Variants in STPG2 observed in about 807,000 individuals in gnomAD.
STPG2 encodes sperm tail PG-rich repeat containing 2.
STPG2 carries 56 observed loss-of-function variants against 54.2 expected under a neutral mutation model. That is an observed-to-expected ratio of 1.03 (90% CI 0.83 to 1.29). The LOEUF (loss-of-function observed/expected upper bound fraction) is 1.29. Among genes scored for constraint, STPG2 ranks in the 50% most tolerant of loss-of-function variants. The probability of loss-of-function intolerance (pLI) is 0.00; values close to 1 mark genes in which losing one functional copy is unlikely to be tolerated. For missense variants in STPG2, 596 were observed against 544.9 expected, an observed-to-expected ratio of 1.09 and a Z score of -0.93; for synonymous variants, 200 against 181.8, an observed-to-expected ratio of 1.10 and a Z score of -0.81.
At chr4:97,444,491 G>A (rs1378347348) in intron 4 of STPG2, among the ~76,000 whole-genome samples, 1 of 152,170 alleles carries the variant, frequency 6.6e-6, no homozygotes, top group Non-Finnish European at 1.5e-5. Context: ...TTTTGTAAAT[G>A]CTCAAAGAAA....
chr4:97,800,990 G>C (rs1727376958), intron 9 of STPG2, among the ~76,000 whole-genome samples: 1 of 152,210 alleles, frequency 6.6e-6, no homozygotes, highest in South Asian at 2.1e-4. Context: ...CCAGGTGCAG[G>C]AGAGAATCTC....
intron 4 of STPG2, among the ~76,000 whole-genome samples, chr4:97,536,587 G>A (rs1348715214): frequency 6.6e-6 from 1 of 152,204 alleles, no homozygotes; most frequent in African/African-American, 2.4e-5. Flanking sequence ...ACTGGCTAGT[G>A]CATACCAAGC....
At chr4:97,560,103 A>C (rs78973066) in intron 10 of STPG2, among the ~76,000 whole-genome samples, 6,829 of 152,224 alleles carry the variant, frequency 0.045, 403 homozygotes, top group African/African-American at 0.14. Context: ...GATTCCCATG[A>C]TGACCCTTAG....
At chr4:97,976,736 C>T (rs1734512781) in intron 6 of STPG2, among the ~76,000 whole-genome samples, 1 of 152,082 alleles carries the variant, frequency 6.6e-6, no homozygotes, top group Non-Finnish European at 1.5e-5. Flanking sequence ...TCTTACTAAT[C>T]CTTAAAATAT....
chr4:98,036,314 A>C (rs13152556), intron 5 of STPG2, among the ~76,000 whole-genome samples: 59,821 of 151,720 alleles, frequency 0.39, 12,017 homozygotes, highest in Middle Eastern at 0.46. Flanking sequence ...GGGTATATAC[A>C]CAAAGGAATA....
At chr4:97,937,923 G>A (rs1230759866) in intron 8 of STPG2, among the ~76,000 whole-genome samples, 8 of 152,164 alleles carry the variant, frequency 5.3e-5, no homozygotes, top group Admixed American at 4.6e-4. Flanking sequence ...GGTTGAGGGG[G>A]TGTACTGCAC....
At chr4:98,001,027 G>T (rs1735398035) in intron 5 of STPG2, among the ~76,000 whole-genome samples, 2 of 152,076 alleles carry the variant, frequency 1.3e-5, no homozygotes, top group Admixed American at 6.6e-5. Flanking sequence ...AACCAAACAT[G>T]AAATTGAGTA....
intron 8 of STPG2, among the ~76,000 whole-genome samples, chr4:97,920,103 T>A (rs1869082): frequency 0.37 from 56,729 of 152,008 alleles, 10,669 homozygotes; most frequent in Middle Eastern, 0.46. Context: ...AAAACTCGAT[T>A]ATGGTGCCAA....
At chr4:98,023,717 G>A (rs1242339659) in intron 5 of STPG2, among the ~76,000 whole-genome samples, 1 of 152,136 alleles carries the variant, frequency 6.6e-6, no homozygotes, top group Non-Finnish European at 1.5e-5. Context: ...GTTTACCTAA[G>A]CAAGCCTGGG....
Position 97,840,841 on chromosome 4 carries a change from G to T in STPG2, c.1136C>A (p.Ala379Asp). Residue 379 changes from alanine to aspartate, a missense_variant, in exon 9 of 11, where the codon GCT (alanine) becomes GAT (aspartate). By Grantham distance (126) the Ala-to-Asp change is moderately radical. Coordinates refer to ENST00000295268, the MANE Select transcript of STPG2 (RefSeq NM_174952.3). ...HKYMPPRSLV[A>D]KRKHASFLSA... ...AAGAAAAGAGGCATGTTTTCTTTTA[G>T]CCACTAAACTACGAGGTGGCATATA... 1 of 1,611,974 alleles carries T rather than the reference G, an allele frequency of 6.2e-7. No individual in the cohort carries two copies. Among genetic ancestry groups the T allele is most frequent in the Non-Finnish European group, 8.5e-7 (1 of 1,178,608 alleles).
At position 97,666,993 on chromosome 4, in the gene STPG2, C is replaced by A. The variant is rs137891294; in HGVS notation, c.1320+45706G>T. 6.6e-3 allele frequency among the ~76,000 whole-genome samples: 1,006 copies of A among 152,298 alleles called. 12 individuals carry two copies. The highest frequency in any genetic ancestry group is 0.023 in the African/African-American group (976 of 41,566). ...GTGACCACCTCCACTATCACCACCA[C>A]CACCACCATCATCACTACCACCATC... On this transcript the variant is annotated intron_variant, in intron 10 of 10. Transcript: ENST00000295268.
chr4:98,084,414 T>C (rs1738445547), intron 5 of STPG2, among the ~76,000 whole-genome samples: 1 of 152,224 alleles, frequency 6.6e-6, no homozygotes, highest in Admixed American at 6.5e-5. Flanking sequence ...CAAATAAAGC[T>C]GCCATGAAAA....
At chr4:97,761,310 A>T (rs977521956) in intron 9 of STPG2, among the ~76,000 whole-genome samples, 1 of 152,190 alleles carries the variant, frequency 6.6e-6, no homozygotes, top group Non-Finnish European at 1.5e-5. Context: ...GTGTTCTTAC[A>T]ATAAAAGAAG....
At chr4:98,010,354 C>T (rs988840000) in intron 5 of STPG2, among the ~76,000 whole-genome samples, 2 of 152,016 alleles carry the variant, frequency 1.3e-5, no homozygotes, top group Non-Finnish European at 2.9e-5. Context: ...ATTGACCTGG[C>T]CCTTTTATCA....
At chr4:97,990,474 A>C (rs765856697) in intron 5 of STPG2, among the ~76,000 whole-genome samples, 1 of 152,138 alleles carries the variant, frequency 6.6e-6, no homozygotes, top group African/African-American at 2.4e-5. Context: ...ATTGTGACCA[A>C]AAGACAACCT....
At chr4:98,039,430 A>T (rs913733261) in intron 5 of STPG2, among the ~76,000 whole-genome samples, 2 of 57,616 alleles carry the variant, frequency 3.5e-5, no homozygotes, top group Admixed American at 2.7e-4. Flanking sequence ...CACTTTTGGG[A>T]GTGTCCAATG....
chr4:97,676,126 A>T (rs949899156), intron 10 of STPG2, among the ~76,000 whole-genome samples: 2 of 148,628 alleles, frequency 1.3e-5, no homozygotes, highest in African/African-American at 2.5e-5. Flanking sequence ...GTATATATAT[A>T]TTTTTTTGCT....
At chr4:97,544,324 T>C (rs1164643715) in intron 4 of STPG2, among the ~76,000 whole-genome samples, 1 of 152,060 alleles carries the variant, frequency 6.6e-6, no homozygotes, top group Non-Finnish European at 1.5e-5. Flanking sequence ...TTATGTTGTA[T>C]ATGCTATAGT....
intron 4 of STPG2, among the ~76,000 whole-genome samples, chr4:98,106,349 TA>T (rs1209003009): frequency 2.0e-5 from 3 of 151,810 alleles, no homozygotes; most frequent in African/African-American, 2.4e-5. Flanking sequence ...AAGCTAACCC[TA>T]AAAAAAAGTT....
Sources: gnomAD v4.1 joint callset for allele counts (sites outside exome capture counted in the v4.1 genomes callset) on GRCh38, gnomAD v4.1.1 for gene constraint, MANE v1.5 for transcripts, NCBI Gene and HGNC (gene_info 2026-07-23, HGNC 2026-07-21) for gene names.